Variants in NRL observed in about 807,000 individuals in gnomAD.
NRL encodes neural retina leucine zipper.
Under a neutral mutation model 12.5 loss-of-function variants are expected in NRL, and 16 were observed. That is an observed-to-expected ratio of 1.28 (90% CI 0.87 to 1.95). The LOEUF (loss-of-function observed/expected upper bound fraction) is 1.95, where lower values mean the gene tolerates loss of function less well. Among genes scored for constraint, NRL ranks in the 30% most tolerant of loss-of-function variants. NRL has a pLI of 0.00. For missense variants in NRL, 314 were observed against 325.8 expected (o/e 0.96, Z 0.28); for synonymous variants, 142 against 150.9 (o/e 0.94, Z 0.43).
intron 1 of NRL, chr14:24,099,143 T>C (rs1470999911): frequency 1.9e-6 from 3 of 1,611,390 alleles, no homozygotes; most frequent in Non-Finnish European, 2.5e-6. Flanking sequence ...GCAGCGGCTA[T>C]GGTGGCAACT....
chr14:24,110,891 T>C (rs2037408347), intron 1 of NRL, among the ~76,000 whole-genome samples: 1 of 152,372 alleles, frequency 6.6e-6, no homozygotes, highest in South Asian at 2.1e-4. Context: ...ATTGGCATAT[T>C]TGCTTAGCAG....
At chr14:24,088,312 A>G (rs1165033181) in intron 1 of NRL, among the ~76,000 whole-genome samples, 3 of 152,362 alleles carry the variant, frequency 2.0e-5, no homozygotes, top group Non-Finnish European at 4.4e-5. Context: ...TGGTTCACAC[A>G]TTCTGAGGTC....
At chr14:24,114,534 C>T (rs2037491082) in intron 1 of NRL, 188 bp downstream of exon 1, 1 of 290,414 alleles carries the variant, frequency 3.4e-6, no homozygotes, top group Non-Finnish European at 5.1e-6. Context: ...TGCTAAAATA[C>T]CTCTCGGTAG....
At chr14:24,096,319 A>G (rs1249452352) in intron 1 of NRL, among the ~76,000 whole-genome samples, 1 of 127,900 alleles carries the variant, frequency 7.8e-6, no homozygotes, top group Non-Finnish European at 1.6e-5. Flanking sequence ...GCTCACTGCA[A>G]CCTCCACCTC....
rs1440300279 is a variant in NRL, at chr14:24,082,454, T to G, written c.381+14A>C. On this transcript the variant is annotated intron_variant, in intron 2 of 2. Coordinates refer to ENST00000561028, the MANE Select transcript of NRL (RefSeq NM_001354768.3). ...TGCCCTGCCTCCCCTCAGGCCAGCT[T>G]GCTGACCACTCACCTGGACGTGCTG... is the stretch of plus-strand genomic sequence containing the variant. The G allele has an allele frequency of 1.9e-6, 3 of 1,611,918 alleles. No individual in the cohort carries two copies. The highest frequency in any genetic ancestry group is 1.3e-5 in the African/African-American group (1 of 74,882).
intron 1 of NRL, chr14:24,099,430 C>T (rs1477831049): frequency 1.9e-6 from 2 of 1,045,954 alleles, no homozygotes; most frequent in Admixed American, 4.9e-5. Flanking sequence ...GGCCTGATGG[C>T]AGGGCAATCA....
At chr14:24,105,287 C>T (rs2037319516) in intron 1 of NRL, among the ~76,000 whole-genome samples, 1 of 152,220 alleles carries the variant, frequency 6.6e-6, no homozygotes, top group African/African-American at 2.4e-5. Flanking sequence ...GTTCCTTGCC[C>T]TCATTCCGGT....
chr14:24,084,723 G>T (rs1350021493), intron 1 of NRL: 3 of 985,082 alleles, frequency 3.0e-6, no homozygotes, highest in African/African-American at 1.7e-5. Flanking sequence ...AAGGTAAGGA[G>T]ATCATTTGCA....
Position 24,105,471 on chromosome 14 carries a change from T to C in NRL, c.-28+9251A>G, listed in dbSNP as rs146225162. ...TAACAACCCTTTGGGGGAATTACCA[T>C]TTTACAGATGAAGTAACAAAGGCAC... On this transcript the variant is annotated intron_variant, in intron 1 of 2. Coordinates refer to ENST00000561028, the MANE Select transcript of NRL (RefSeq NM_001354768.3). 3.6e-3 allele frequency among the ~76,000 whole-genome samples: 543 copies of C among 152,372 alleles called. 2 individuals carry two copies. Among genetic ancestry groups the C allele is most frequent in the African/African-American group, 0.012 (514 of 41,592 alleles).
At chr14:24,103,639 A>G (rs547986349) in intron 1 of NRL, 10 of 1,614,140 alleles carry the variant, frequency 6.2e-6, no homozygotes, top group Middle Eastern at 1.7e-4. Context: ...TTCCATGTCA[A>G]CTGGTTCCGG....
Position 24,081,672 on chromosome 14 carries a change from G to A in NRL, c.382-104C>T, listed in dbSNP as rs572021011. 7.0e-5 allele frequency: 107 copies of A among 1,528,920 alleles called. No homozygotes were observed. The African/African-American group carries it at 1.4e-3, about 19-fold the overall frequency. 94.7% of individuals were successfully genotyped at this position (1,528,920 alleles called of 1,614,324 possible). A position where few individuals can be genotyped will look rare whatever the true frequency, so the allele number is the denominator to read the frequency against. ...TCCGCCCCGGGACAGCCCCGCCCCG[G>A]CTCCCACCTTCACCGGAAGGCTCGC... is the stretch of plus-strand genomic sequence containing the variant. On this transcript the variant is annotated intron_variant, in intron 2 of 2. Coordinates refer to ENST00000561028, the MANE Select transcript of NRL (RefSeq NM_001354768.3). This position sits in a 1 kb window ranked among gnomAD's most constrained non-coding sequence, Gnocchi z 4.4.
Position 24,098,540 on chromosome 14 carries a change from G to A in NRL, c.-27-15665C>T, listed in dbSNP as rs748036812. On this transcript the variant is annotated intron_variant, in intron 1 of 2. Transcript: ENST00000561028. ...GGGCTCCCCGCTGTCCCGCATCGGG[G>A]TGCAGCTCACTGACTCAGCCTATGT... 8 of 1,614,194 alleles carry A rather than the reference G, an allele frequency of 5.0e-6. No homozygotes were observed. The highest frequency in any genetic ancestry group is 2.2e-5 in the South Asian group (2 of 91,088).
In NRL at chr14:24,082,000, G is replaced by A; in HGVS notation, c.382-432C>T. ...CACAGGATTTGGATTACATCCTAAT[G>A]CCCGCAACACCCCCATCTGTGTCTG... On this transcript the variant is annotated intron_variant, in intron 2 of 2. Transcript: ENST00000561028. This position sits in a 1 kb window ranked among gnomAD's most constrained non-coding sequence, Gnocchi z 4.4. 1.7e-6 allele frequency: 2 copies of A among 1,206,234 alleles called. No homozygotes were observed. The highest frequency in any genetic ancestry group is 2.1e-6 in the Non-Finnish European group (2 of 959,232). The allele number at this position is 1,206,234 out of a possible 1,614,324, so 74.7% of individuals were successfully genotyped here. A position where few individuals can be genotyped will look rare whatever the true frequency, so the allele number is the denominator to read the frequency against.
chr14:24,087,026 A>G (rs2036482600), intron 1 of NRL, among the ~76,000 whole-genome samples: 3 of 152,242 alleles, frequency 2.0e-5, no homozygotes, highest in Non-Finnish European at 4.4e-5. Context: ...GCTCAAGGAC[A>G]TCTAGGGATG....
rs1310679128 is a variant in NRL, at chr14:24,081,315, C to A, written c.635G>T (p.Arg212Leu). Residue 212 changes from arginine to leucine, a missense_variant, in exon 3 of 3, where the codon CGC becomes CTC. By Grantham distance (102) the Arg-to-Leu change is moderately radical (BLOSUM62 -2). Coordinates refer to ENST00000561028, the MANE Select transcript of NRL (RefSeq NM_001354768.3). The surrounding 1 kb of genome is among the most constrained non-coding windows in gnomAD (Gnocchi z 4.4). The part of the protein sequence containing the change: ...RAEVARLARE[R>L]DLYKARCDRL... ...GTCACAGCGAGCCTTGTAGAGATCG[C>A]GCTCCCGGGCCAGGCGGGCCACCTC... is the stretch of plus-strand genomic sequence containing the variant. The A allele has an allele frequency of 3.4e-6, 5 of 1,483,314 alleles. No homozygotes were observed. In the African/African-American group the frequency reaches 4.4e-5, roughly 13 times the overall value. 91.9% of individuals were successfully genotyped at this position (1,483,314 alleles called of 1,614,324 possible). A position where few individuals can be genotyped will look rare whatever the true frequency, so the allele number is the denominator to read the frequency against.
chr14:24,082,039 G>A (rs2036327391), intron 2 of NRL: 1 of 1,203,396 alleles, frequency 8.3e-7, no homozygotes, highest in African/African-American at 1.6e-5. Flanking sequence ...TTAATAGGAT[G>A]AGTCCCAATC....
intron 1 of NRL, chr14:24,098,416 G>A: frequency 6.2e-7 from 1 of 1,611,548 alleles, no homozygotes; most frequent in East Asian, 2.2e-5. Context: ...CAGTGGCAAG[G>A]GCACGGAAGA....
At chr14:24,103,500 T>G in intron 1 of NRL, 1 of 1,534,376 alleles carries the variant, frequency 6.5e-7, no homozygotes. Flanking sequence ...CCATCTTGCT[T>G]CCCCCCCAGG....
At chr14:24,113,406 C>A (rs2037457621) in intron 1 of NRL, among the ~76,000 whole-genome samples, 1 of 152,116 alleles carries the variant, frequency 6.6e-6, no homozygotes, top group Non-Finnish European at 1.5e-5. Flanking sequence ...CCGTCACATT[C>A]TGGGAGAACG....
Sources: gnomAD v4.1 joint callset for allele counts (sites outside exome capture counted in the v4.1 genomes callset) on GRCh38, gnomAD v4.1.1 for gene constraint, Gnocchi (gnomAD v3.1) non-coding constraint, MANE v1.5 for transcripts, NCBI Gene and HGNC (gene_info 2026-07-23, HGNC 2026-07-21) for gene names.